TENM3: variants seen among roughly 807,000 people sequenced by gnomAD.
TENM3 encodes teneurin-3.
In TENM3, 63 loss-of-function variants were observed where a neutral mutation model predicts 255.1. The observed-to-expected ratio is 0.25, with a 90% CI of 0.20 to 0.30. TENM3 has a LOEUF of 0.30. TENM3 is among the 10% of genes least tolerant of loss of function. The pLI, the probability that TENM3 is intolerant of heterozygous loss-of-function variation, is 1.00. For missense variants in TENM3, 2,929 were observed against 3,461.1 expected (o/e 0.85, Z 3.86); for synonymous variants, 1,306 against 1,322.3 (o/e 0.99, Z 0.27).
Position 182,792,492 on chromosome 4 carries a change from G to A in TENM3, c.5820G>A (p.Leu1940=). The A allele has an allele frequency of 1.9e-6, 3 of 1,614,006 alleles. No individual in the cohort carries two copies. Among genetic ancestry groups the A allele is most frequent in the Non-Finnish European group, 2.5e-6 (3 of 1,179,902 alleles). ...EEGLLLQTAF[L]GTSRRVLFKY... The stretch of plus-strand genomic sequence containing the variant: ...GGCTGCTTCTACAAACAGCTTTCTT[G>A]GGTACAAGTCGGAGGGTCTTATTCA... Residue 1940 remains leucine (L), a synonymous_variant, in exon 26 of 28, where the codon TTG becomes TTA. Transcript: ENST00000511685. The surrounding 1 kb of genome is among the most constrained non-coding windows in gnomAD (Gnocchi z 6.3).
At chr4:181,714,702 C>T in the TENM3 span, among the ~76,000 whole-genome samples, 2 of 152,174 alleles carry the variant, frequency 1.3e-5, no homozygotes, top group Non-Finnish European at 2.9e-5. Context: ...GTGATTGATG[C>T]TGGAGTTCTT....
At chr4:182,439,436 T>C (rs1442662892) in intron 3 of TENM3, among the ~76,000 whole-genome samples, 1 of 152,244 alleles carries the variant, frequency 6.6e-6, no homozygotes, top group Admixed American at 6.5e-5. Flanking sequence ...TATTTTTTCC[T>C]ACAGGGTATT....
chr4:181,811,581 A>G, the TENM3 span, among the ~76,000 whole-genome samples: 1 of 152,190 alleles, frequency 6.6e-6, no homozygotes, highest in Non-Finnish European at 1.5e-5. Context: ...GGTTTAATGG[A>G]CTCACAGTTC....
the TENM3 span, among the ~76,000 whole-genome samples, chr4:181,952,247 C>T: frequency 2.0e-5 from 3 of 152,192 alleles, no homozygotes; most frequent in South Asian, 4.2e-4. Flanking sequence ...TCTTTTAAAT[C>T]GGAGAGGTTG....
At chr4:181,537,843 C>G in the TENM3 span, among the ~76,000 whole-genome samples, 1 of 152,178 alleles carries the variant, frequency 6.6e-6, no homozygotes, top group Non-Finnish European at 1.5e-5. Context: ...AAAATCCTGT[C>G]TTTGTCTGCA....
intron 2 of TENM3, among the ~76,000 whole-genome samples, chr4:182,324,922 GGAATCAT>G: frequency 6.6e-6 from 1 of 152,240 alleles, no homozygotes; most frequent in South Asian, 2.1e-4. Context: ...TGCTCCCAGT[GGAATCAT>G]GACTCCTGTA....
At chr4:182,433,239 A>T (rs1176305916) in intron 3 of TENM3, among the ~76,000 whole-genome samples, 1 of 152,158 alleles carries the variant, frequency 6.6e-6, no homozygotes, top group African/African-American at 2.4e-5. Context: ...TGGCATCTAG[A>T]TATTTTCCTG....
At chr4:181,791,059 TCAGAAAGGAGTGAAC>T in the TENM3 span, among the ~76,000 whole-genome samples, 3 of 152,130 alleles carry the variant, frequency 2.0e-5, no homozygotes, top group African/African-American at 7.2e-5. Flanking sequence ...CTGGAAACCC[TCAGAAAGGAGTGAAC>T]CAGTTTCCCT....
At chr4:181,783,000 T>A in the TENM3 span, among the ~76,000 whole-genome samples, 1 of 152,202 alleles carries the variant, frequency 6.6e-6, no homozygotes, top group African/African-American at 2.4e-5. Flanking sequence ...TTGTCATAAT[T>A]TCTGTTCTTT....
chr4:182,021,623 C>T, the TENM3 span, among the ~76,000 whole-genome samples: 2 of 152,192 alleles, frequency 1.3e-5, no homozygotes, highest in Non-Finnish European at 2.9e-5. Flanking sequence ...TAAAGGTCCT[C>T]TAGACTTCTT....
At chr4:182,132,052 T>C in the TENM3 span, among the ~76,000 whole-genome samples, 2 of 152,282 alleles carry the variant, frequency 1.3e-5, no homozygotes, top group Middle Eastern at 3.4e-3. Flanking sequence ...TTATCCTGAA[T>C]AGATGAATAA....
chr4:182,502,910 CTTTTTTTTTTTT>C (rs10671906), intron 3 of TENM3, among the ~76,000 whole-genome samples: 2 of 77,368 alleles, frequency 2.6e-5, no homozygotes, highest in East Asian at 9.6e-4. Flanking sequence ...TGAAGTCAGC[CTTTTTTTTTTTT>C]TTTTTTTTTT....
At chr4:181,637,366 G>C in the TENM3 span, among the ~76,000 whole-genome samples, 11 of 152,332 alleles carry the variant, frequency 7.2e-5, no homozygotes, top group African/African-American at 2.6e-4. Context: ...TCCGGGCTGT[G>C]GAGTCCAGTG....
chr4:181,947,857 G>T, the TENM3 span, among the ~76,000 whole-genome samples: 1 of 152,152 alleles, frequency 6.6e-6, no homozygotes, highest in African/African-American at 2.4e-5. Flanking sequence ...ATGGCTAAAT[G>T]GGTCAAGTTC....
chr4:182,679,123 G>A (rs567290973), intron 7 of TENM3, among the ~76,000 whole-genome samples: 10 of 152,130 alleles, frequency 6.6e-5, no homozygotes, highest in Middle Eastern at 3.4e-3. Flanking sequence ...ATGGATTGAT[G>A]GGTGCAGCAA....
the TENM3 span, among the ~76,000 whole-genome samples, chr4:181,770,467 G>A: frequency 2.6e-5 from 4 of 152,074 alleles, no homozygotes; most frequent in African/African-American, 4.8e-5. Flanking sequence ...GAGGTCAGGA[G>A]ATCAAGACCA....
At chr4:182,310,488 T>G (rs937260239) in intron 1 of TENM3, among the ~76,000 whole-genome samples, 1 of 152,178 alleles carries the variant, frequency 6.6e-6, no homozygotes, top group African/African-American at 2.4e-5. Context: ...CATCTTCCCC[T>G]TAGCAACTCT....
At chr4:181,997,764 A>G in the TENM3 span, among the ~76,000 whole-genome samples, 2 of 152,192 alleles carry the variant, frequency 1.3e-5, no homozygotes, top group African/African-American at 2.4e-5. Flanking sequence ...TAAAATGGAG[A>G]CAATAACACT....
intron 5 of TENM3, among the ~76,000 whole-genome samples, chr4:182,634,193 A>C (rs1240591602): frequency 6.6e-6 from 1 of 152,182 alleles, no homozygotes; most frequent in Non-Finnish European, 1.5e-5. Flanking sequence ...GCTGTTGAGC[A>C]CTTGAAATGT....
Sources: allele counts gnomAD v4.1 joint callset (sites outside exome capture counted in the v4.1 genomes callset), GRCh38; gene constraint gnomAD v4.1.1; non-coding constraint Gnocchi (gnomAD v3.1); transcripts MANE v1.5; gene names NCBI Gene and HGNC (gene_info 2026-07-23, HGNC 2026-07-21).